The following CGNL1 variants were observed in gnomAD, a reference collection of about 807,000 sequenced individuals.
CGNL1 encodes cingulin-like protein 1.
A neutral mutation model predicts 141.2 loss-of-function variants in CGNL1; 132 were observed. The ratio of observed to expected loss-of-function variants is 0.93; its 90% confidence interval spans 0.81 to 1.08. CGNL1 has a LOEUF of 1.08. Among genes scored for constraint, CGNL1 ranks in the 50% least tolerant of loss-of-function variants. The probability of loss-of-function intolerance (pLI) is 0.00; values close to 1 mark genes in which losing one functional copy is unlikely to be tolerated. For synonymous variants in CGNL1, 690 were observed against 622.1 expected, an observed-to-expected ratio of 1.11 and a Z score of -1.63; for missense variants, 1,870 against 1,588.6, an observed-to-expected ratio of 1.18 and a Z score of -3.01.
At chr15:57,453,963 C>A (rs530305727) in intron 7 of CGNL1, 145 bp downstream of exon 7, 1 of 817,804 alleles carries the variant, frequency 1.2e-6, no homozygotes, top group Non-Finnish European at 1.9e-6. Flanking sequence ...TCAGTGGATG[C>A]GCTTGATTCT....
chr15:57,384,236 G>T (rs776984832), intron 1 of CGNL1, among the ~76,000 whole-genome samples: 11 of 152,070 alleles, frequency 7.2e-5, no homozygotes, highest in Admixed American at 2.6e-4. Flanking sequence ...AGCTGGATGG[G>T]GTACAAAAGA....
chr15:57,458,669 A>T (rs2063408866), intron 7 of CGNL1, among the ~76,000 whole-genome samples: 8 of 152,228 alleles, frequency 5.3e-5, no homozygotes, highest in Admixed American at 5.2e-4. Context: ...AGATGCTGGC[A>T]GGAGGTTCCA....
At chr15:57,409,631 G>A (rs557632888) in intron 1 of CGNL1, among the ~76,000 whole-genome samples, 1 of 152,278 alleles carries the variant, frequency 6.6e-6, no homozygotes, top group South Asian at 2.1e-4. Context: ...TGTGTGAAAG[G>A]GGGAGGGAGA....
chr15:57,503,244 A>G (rs543778128), intron 8 of CGNL1, among the ~76,000 whole-genome samples: 62 of 152,310 alleles, frequency 4.1e-4, no homozygotes, highest in African/African-American at 1.4e-3. Flanking sequence ...CCTACTCCTG[A>G]TGAGGTGGCC....
At chr15:57,526,825 G>T (rs1447244673) in intron 12 of CGNL1, among the ~76,000 whole-genome samples, 2 of 152,134 alleles carry the variant, frequency 1.3e-5, no homozygotes, top group African/African-American at 4.8e-5. Context: ...GGAGGGACCT[G>T]CTGGGTGTGG....
chr15:57,386,337 G>A (rs1429173621), intron 1 of CGNL1, among the ~76,000 whole-genome samples: 1 of 152,176 alleles, frequency 6.6e-6, no homozygotes, highest in Non-Finnish European at 1.5e-5. Flanking sequence ...TCGTCATGTT[G>A]CTCTGACTCT....
intron 13 of CGNL1, among the ~76,000 whole-genome samples, 184 bp from the exon 14 acceptor site, chr15:57,531,506 A>G (rs1253153249): frequency 1.3e-5 from 2 of 152,246 alleles, no homozygotes; most frequent in Non-Finnish European, 1.5e-5. Context: ...ATTACAAGTC[A>G]TGAAACACAT....
At chr15:57,437,500 G>T (rs928192877) in intron 1 of CGNL1, among the ~76,000 whole-genome samples, 1 of 151,676 alleles carries the variant, frequency 6.6e-6, no homozygotes, top group Non-Finnish European at 1.5e-5. Flanking sequence ...GTGAGCGTCA[G>T]AATTCCTTAG....
intron 14 of CGNL1, among the ~76,000 whole-genome samples, chr15:57,534,980 TAAGTG>T (rs1347970446): frequency 6.6e-6 from 1 of 150,552 alleles, no homozygotes; most frequent in Non-Finnish European, 1.5e-5. Flanking sequence ...TGATGGGACT[TAAGTG>T]AATAAGCCAC....
chr15:57,432,420 C>G (rs760096505), intron 1 of CGNL1, among the ~76,000 whole-genome samples: 2 of 152,194 alleles, frequency 1.3e-5, no homozygotes, highest in Non-Finnish European at 2.9e-5. Flanking sequence ...CTTCCAAGAG[C>G]TAAGCCCTTT....
Position 57,439,265 on chromosome 15 carries a change from C to G in CGNL1, c.1266C>G (p.Ser422=), listed in dbSNP as rs757874920. The change falls in exon 2 of 19, where the codon TCC becomes TCG. Residue 422 remains serine (S), a synonymous_variant. Transcript: ENST00000281282. ...CAAGCGAACACCTCCTCCGGCCTTC[C>G]CAGGTGTGCCCGCAGCGGCCACTGT... ...GKSSEHLLRP[S]QVCPQRPLSQ... 59 of 1,613,926 alleles carry G rather than the reference C, an allele frequency of 3.7e-5. No homozygotes were observed. The highest frequency in any genetic ancestry group is 4.7e-5 in the Non-Finnish European group (56 of 1,180,038).
intron 8 of CGNL1, among the ~76,000 whole-genome samples, chr15:57,463,204 A>G (rs1351656165): frequency 6.6e-6 from 1 of 152,238 alleles, no homozygotes; most frequent in Non-Finnish European, 1.5e-5. Context: ...AGTATAAGGA[A>G]AATCAAACTT....
chr15:57,411,132 A>G (rs573355346), intron 1 of CGNL1, among the ~76,000 whole-genome samples: 16 of 152,184 alleles, frequency 1.1e-4, no homozygotes, highest in Non-Finnish European at 1.6e-4. Flanking sequence ...AAAGAGTGTC[A>G]TATGTTGGAC....
intron 1 of CGNL1, among the ~76,000 whole-genome samples, chr15:57,426,002 G>A (rs1171058260): frequency 3.3e-5 from 5 of 151,954 alleles, no homozygotes; most frequent in Non-Finnish European, 5.9e-5. Flanking sequence ...CTAGGGCCTG[G>A]CTTAGGAAGG....
intron 16 of CGNL1, among the ~76,000 whole-genome samples, chr15:57,545,032 G>A (rs536033623): frequency 1.3e-5 from 2 of 152,172 alleles, no homozygotes; most frequent in Non-Finnish European, 1.5e-5. Flanking sequence ...AGGTCCTCCC[G>A]CAGTGTGTGG....
chr15:57,432,496 A>G (rs1346504550), intron 1 of CGNL1, among the ~76,000 whole-genome samples: 2 of 152,230 alleles, frequency 1.3e-5, no homozygotes, highest in East Asian at 3.8e-4. Context: ...CAGTCTTTTC[A>G]TAAAGTATTA....
intron 8 of CGNL1, among the ~76,000 whole-genome samples, chr15:57,470,162 C>G (rs115894342): frequency 6.6e-6 from 1 of 151,506 alleles, no homozygotes; most frequent in Admixed American, 6.6e-5. Flanking sequence ...TTTCCACAGA[C>G]TCAAGCCTGC....
chr15:57,409,433 G>A (rs1438596195), intron 1 of CGNL1, among the ~76,000 whole-genome samples: 1 of 152,150 alleles, frequency 6.6e-6, no homozygotes, highest in African/African-American at 2.4e-5. Flanking sequence ...AAAAGATGAC[G>A]GTGGCCATGG....
intron 1 of CGNL1, among the ~76,000 whole-genome samples, chr15:57,390,606 TG>T (rs548861605): frequency 9.7e-4 from 148 of 152,298 alleles, no homozygotes; most frequent in African/African-American, 3.4e-3. Flanking sequence ...GAGAGCAGTT[TG>T]GGCCAAACTA....
Sources: allele counts gnomAD v4.1 joint callset (sites outside exome capture counted in the v4.1 genomes callset), GRCh38; gene constraint gnomAD v4.1.1; transcripts MANE v1.5; gene names NCBI Gene and HGNC (gene_info 2026-07-23, HGNC 2026-07-21).